The following DPH6 variants were observed in gnomAD, a reference collection of about 807,000 sequenced individuals.
DPH6 encodes the protein diphthamine biosynthesis 6.
A neutral mutation model predicts 38.2 loss-of-function variants in DPH6; 33 were observed. That is an observed-to-expected ratio of 0.86 (90% CI 0.65 to 1.15). The LOEUF (loss-of-function observed/expected upper bound fraction) is 1.15, where lower values mean the gene tolerates loss of function less well. Ranked by LOEUF, DPH6 falls within the 50% of genes most tolerant of loss-of-function variation. The probability of loss-of-function intolerance (pLI) is 0.00; values close to 1 mark genes in which losing one functional copy is unlikely to be tolerated. For missense variants in DPH6, 325 were observed against 320.0 expected, an observed-to-expected ratio of 1.02 and a Z score of -0.12; for synonymous variants, 108 against 103.0, an observed-to-expected ratio of 1.05 and a Z score of -0.30.
At chr15:35,163,390 C>A in the DPH6 span, among the ~76,000 whole-genome samples, 1 of 151,800 alleles carries the variant, frequency 6.6e-6, no homozygotes. Context: ...ATTTTTCTTA[C>A]CTGGCCTTTA....
intron 6 of DPH6, chr15:35,401,589 T>C (rs1293978382): frequency 3.9e-6 from 3 of 767,530 alleles, no homozygotes; most frequent in Non-Finnish European, 7.3e-6. Flanking sequence ...GAAGCTACAA[T>C]GATTTTGGCA....
the DPH6 span, among the ~76,000 whole-genome samples, chr15:35,154,411 G>A: frequency 6.6e-6 from 1 of 152,046 alleles, no homozygotes. Flanking sequence ...CCAGCAAATG[G>A]GGACAAGAAA....
intron 1 of DPH6, among the ~76,000 whole-genome samples, chr15:35,544,427 A>G (rs1461862290): frequency 6.6e-6 from 1 of 152,064 alleles, no homozygotes. Flanking sequence ...GGTGCAGCAA[A>G]CCACCGTGGC....
chr15:35,425,827 A>G (rs1595552818), intron 5 of DPH6, among the ~76,000 whole-genome samples: 1 of 148,826 alleles, frequency 6.7e-6, no homozygotes, highest in South Asian at 2.1e-4. Context: ...ATATATATAT[A>G]TATCTCATAT....
intron 3 of DPH6, among the ~76,000 whole-genome samples, chr15:35,474,557 A>C (rs997083132): frequency 5.3e-5 from 8 of 152,186 alleles, no homozygotes; most frequent in African/African-American, 1.9e-4. Flanking sequence ...TCTATTTGCC[A>C]GTTTTTCTTC....
At chr15:35,522,122 T>C (rs780803780) in intron 3 of DPH6, 1 of 1,613,004 alleles carries the variant, frequency 6.2e-7, no homozygotes, top group Non-Finnish European at 8.5e-7. Context: ...ATCTCACTGA[T>C]AAAAGGAGGA....
chr15:35,468,417 T>C lies in DPH6; in HGVS notation c.313-13597A>G, dbSNP rs114258441. On this transcript the variant is annotated intron_variant, in intron 3 of 8. Coordinates refer to ENST00000256538, the MANE Select transcript of DPH6 (RefSeq NM_080650.4). Reference sequence around the variant, plus strand: ...ACAGACCGTCCCAGCCTCTGCCTCATAGTGCTTCTTCCATGTTCTTAAGCT... The same window carrying C: ...ACAGACCGTCCCAGCCTCTGCCTCACAGTGCTTCTTCCATGTTCTTAAGCT... Among the ~76,000 whole-genome samples the C allele has an allele frequency of 3.1e-3, 468 of 152,310 alleles. 3 individuals are homozygous for C. The highest frequency in any genetic ancestry group is 0.011 in the African/African-American group (446 of 41,558).
exon 4 of DPH6, chr15:35,219,180 G>A (rs1354380000): frequency 1.3e-5 from 2 of 152,102 alleles, no homozygotes; most frequent in Non-Finnish European, 2.9e-5. Context: ...CTGTAGAGTA[G>A]GTAAACAGCC....
chr15:35,298,449 T>C, intron 3 of DPH6: 1 of 758,064 alleles, frequency 1.3e-6, no homozygotes, highest in East Asian at 2.6e-5. Flanking sequence ...TCCCCAACTT[T>C]GAGATATTTT....
intron 6 of DPH6, among the ~76,000 whole-genome samples, chr15:35,393,063 G>A (rs118154855): frequency 0.019 from 2,849 of 152,240 alleles, 41 homozygotes; most frequent in Non-Finnish European, 0.027. Flanking sequence ...GAGAACCCAC[G>A]GAGAGGTTTT....
chr15:35,341,639 G>T (rs1325553414), intron 3 of DPH6, among the ~76,000 whole-genome samples: 1 of 152,142 alleles, frequency 6.6e-6, no homozygotes, highest in Non-Finnish European at 1.5e-5. Flanking sequence ...GTGGTTTGCT[G>T]GGGGTCCACT....
At chr15:35,210,643 G>A in the DPH6 span, among the ~76,000 whole-genome samples, 1 of 152,128 alleles carries the variant, frequency 6.6e-6, no homozygotes, top group Non-Finnish European at 1.5e-5. Context: ...AATTAGTTCT[G>A]AGTATATGTG....
intron 3 of DPH6, among the ~76,000 whole-genome samples, chr15:35,233,217 T>C (rs976886829): frequency 6.6e-6 from 1 of 151,990 alleles, no homozygotes; most frequent in Admixed American, 6.6e-5. Context: ...TCTGAGGCAG[T>C]AGAATCACTT....
At chr15:35,473,878 TATACAAA>T (rs983082105) in intron 3 of DPH6, among the ~76,000 whole-genome samples, 1 of 151,618 alleles carries the variant, frequency 6.6e-6, no homozygotes, top group African/African-American at 2.4e-5. Context: ...CAGGATACAT[TATACAAA>T]AAAGGCAAGC....
At chr15:35,192,707 G>A in the DPH6 span, among the ~76,000 whole-genome samples, 1 of 152,118 alleles carries the variant, frequency 6.6e-6, no homozygotes, top group Admixed American at 6.5e-5. Context: ...TAAGATATAG[G>A]TAATGAATCA....
In DPH6 at chr15:35,480,803, A is replaced by G. The variant is rs1229819800; in HGVS notation, c.313-25983T>C. Among the ~76,000 whole-genome samples, 3 of 152,204 alleles carry G rather than the reference A, an allele frequency of 2.0e-5. No individual in the cohort carries two copies. In the East Asian group the frequency reaches 5.8e-4, roughly 29 times the overall value. On this transcript the variant is annotated intron_variant, in intron 3 of 8. Coordinates refer to ENST00000256538, the MANE Select transcript of DPH6 (RefSeq NM_080650.4). ...TTCTCATATAAACTTATTTTGGGTA[A>G]CCACTGAGTAACCAGATAATAGGAA...
At chr15:35,313,483 T>C (rs1036678819) in intron 3 of DPH6, among the ~76,000 whole-genome samples, 1 of 152,136 alleles carries the variant, frequency 6.6e-6, no homozygotes, top group African/African-American at 2.4e-5. Context: ...ATGGAATATC[T>C]TTTCTTTTTG....
At chr15:35,159,446 A>G in the DPH6 span, among the ~76,000 whole-genome samples, 1 of 152,068 alleles carries the variant, frequency 6.6e-6, no homozygotes, top group African/African-American at 2.4e-5. Flanking sequence ...TGGCCAAGAA[A>G]CATGAAAAAA....
At chr15:35,211,521 T>C in the DPH6 span, among the ~76,000 whole-genome samples, 1 of 152,180 alleles carries the variant, frequency 6.6e-6, no homozygotes, top group Non-Finnish European at 1.5e-5. Context: ...GAGAGGAGCA[T>C]AATACATTAA....
Sources: gnomAD v4.1 joint callset for allele counts (sites outside exome capture counted in the v4.1 genomes callset) on GRCh38, gnomAD v4.1.1 for gene constraint, MANE v1.5 for transcripts, NCBI Gene and HGNC (gene_info 2026-07-23, HGNC 2026-07-21) for gene names.